VPS8: variants seen among roughly 807,000 people sequenced by gnomAD.
VPS8 encodes vacuolar protein sorting-associated protein 8 homolog.
A neutral mutation model predicts 216.4 loss-of-function variants in VPS8; 129 were observed. The ratio of observed to expected loss-of-function variants is 0.60; its 90% CI spans 0.52 to 0.69. The LOEUF (loss-of-function observed/expected upper bound fraction) is 0.69. VPS8 is among the 30% of genes least tolerant of loss of function. The probability of loss-of-function intolerance (pLI) is 0.00; values close to 1 mark genes in which losing one functional copy is unlikely to be tolerated. For missense variants in VPS8, 1,531 were observed against 1,683.5 expected (o/e 0.91, Z 1.59); for synonymous variants, 571 against 565.4 (o/e 1.01, Z -0.14).
At chr3:184,932,150 A>G (rs76395941) in intron 34 of VPS8, among the ~76,000 whole-genome samples, 2,735 of 152,222 alleles carry the variant, frequency 0.018, 89 homozygotes, top group African/African-American at 0.063. Flanking sequence ...GTCTTCAGTA[A>G]TGTAAATATA....
chr3:184,969,681 C>T (rs1577019294), intron 39 of VPS8, among the ~76,000 whole-genome samples: 3 of 151,436 alleles, frequency 2.0e-5, no homozygotes, highest in Admixed American at 6.6e-5. Context: ...CCACCCGCCT[C>T]GGCCTCCCAA....
chr3:184,940,185 T>G lies in VPS8; in HGVS notation c.2989-12T>G. 6.8e-7 allele frequency: 1 copy of G among 1,471,518 alleles called. No individual in the cohort carries two copies. The highest frequency in any genetic ancestry group is 9.1e-7 in the Non-Finnish European group (1 of 1,098,276). The allele number at this position is 1,471,518 out of a possible 1,614,324, so 91.2% of individuals were successfully genotyped here. A position where few individuals can be genotyped will look rare whatever the true frequency, so the allele number is the denominator to read the frequency against. ...AATATTTAATTGTAATTTTTATTGT[T>G]TTTCTGTTCAGAACCAGGTTTTGCT... On this transcript the variant is annotated splice_polypyrimidine_tract_variant and intron_variant, in intron 35 of 47. Coordinates refer to ENST00000625842, the MANE Select transcript of VPS8 (RefSeq NM_001009921.3).
chr3:184,977,503 G>A (rs1262927626), intron 40 of VPS8, among the ~76,000 whole-genome samples: 1 of 151,862 alleles, frequency 6.6e-6, no homozygotes, highest in Non-Finnish European at 1.5e-5. Flanking sequence ...TTTCTTTTGA[G>A]GACTTAGCCA....
intron 47 of VPS8, among the ~76,000 whole-genome samples, chr3:185,050,069 G>A (rs907542490): frequency 2.0e-5 from 3 of 151,842 alleles, no homozygotes; most frequent in Non-Finnish European, 2.9e-5. Context: ...ATTGATTTCC[G>A]GATCACAAAG....
rs530883880 is a variant in VPS8, at chr3:184,860,770, A to G, written c.1224+705A>G. Among the ~76,000 whole-genome samples the G allele has an allele frequency of 3.3e-5, 5 of 151,408 alleles. No individual in the cohort carries two copies. The East Asian group carries it at 5.8e-4, about 18-fold the overall frequency. ...GCAACCTCTTTTTTTCTTGCGGCTA[A>G]AAACTTTGCAGAGCTCTCTTTCTAC... On this transcript the variant is annotated intron_variant, in intron 15 of 47. Coordinates refer to ENST00000625842, the MANE Select transcript of VPS8 (RefSeq NM_001009921.3).
At chr3:184,846,181 C>T (rs897925702) in intron 8 of VPS8, among the ~76,000 whole-genome samples, 1 of 152,116 alleles carries the variant, frequency 6.6e-6, no homozygotes, top group Non-Finnish European at 1.5e-5. Flanking sequence ...ATGATACCTT[C>T]TAAAGGAACA....
rs1359659577 is a variant in VPS8, at chr3:184,853,804, A to AG, written c.822-52dup. On this transcript the variant is annotated intron_variant, in intron 11 of 47. Transcript: ENST00000625842. ...TGAAAGTAGTCCAGGTAGAGATAGT[A>AG]GTGCCTTGGATCATTGCTAAATTGA... The AG allele has an allele frequency of 1.9e-6, 3 of 1,540,804 alleles. No individual in the cohort carries two copies. The Admixed American group carries it at 5.9e-5, about 30-fold the overall frequency.
At chr3:184,977,884 C>CT (rs55727843) in intron 40 of VPS8, among the ~76,000 whole-genome samples, 113,095 of 131,324 alleles carry the variant, frequency 0.86, 49,586 homozygotes, top group Non-Finnish European at 0.95. Flanking sequence ...TTTCTTTTTT[C>CT]TTTTTTTTTT....
At chr3:185,025,196 A>G (rs924632046) in intron 46 of VPS8, among the ~76,000 whole-genome samples, 1 of 152,316 alleles carries the variant, frequency 6.6e-6, no homozygotes, top group Middle Eastern at 3.4e-3. Context: ...ACGGTTTTAC[A>G]CCTTATCTGA....
chr3:185,049,747 G>A (rs1235263488), intron 47 of VPS8, among the ~76,000 whole-genome samples: 3 of 152,072 alleles, frequency 2.0e-5, no homozygotes, highest in Non-Finnish European at 4.4e-5. Context: ...TCGAGCTTGT[G>A]CAAACTGCTG....
intron 45 of VPS8, among the ~76,000 whole-genome samples, chr3:185,014,362 A>G (rs1561121971): frequency 1.3e-5 from 2 of 152,144 alleles, no homozygotes; most frequent in African/African-American, 2.4e-5. Flanking sequence ...GGCTGCAACC[A>G]GGGGGTCCTC....
chr3:184,978,232 T>C (rs1454703278), intron 40 of VPS8, among the ~76,000 whole-genome samples: 1 of 152,164 alleles, frequency 6.6e-6, no homozygotes, highest in Non-Finnish European at 1.5e-5. Flanking sequence ...TAGAGGTGTT[T>C]ATAATAGTCT....
intron 5 of VPS8, 101 bp downstream of exon 5, chr3:184,834,843 C>A: frequency 1.1e-6 from 1 of 882,988 alleles, no homozygotes; most frequent in East Asian, 2.8e-5. Flanking sequence ...TGGCCCGAGG[C>A]TTAAGAAAAA....
At chr3:184,891,074 A>G (rs1300392852) in intron 22 of VPS8, among the ~76,000 whole-genome samples, 1 of 152,148 alleles carries the variant, frequency 6.6e-6, no homozygotes, top group Non-Finnish European at 1.5e-5. Flanking sequence ...GTTTAAAAAT[A>G]GGGTTATGTG....
At chr3:184,964,417 C>A in intron 37 of VPS8, 51 bp from the exon 38 acceptor site, 1 of 1,218,024 alleles carries the variant, frequency 8.2e-7, no homozygotes, top group Non-Finnish European at 1.1e-6. Context: ...GATCTTCCCA[C>A]TCCACAAATA....
At chr3:184,850,780 TC>T (rs1194379194) in intron 10 of VPS8, among the ~76,000 whole-genome samples, 1 of 152,224 alleles carries the variant, frequency 6.6e-6, no homozygotes, top group African/African-American at 2.4e-5. Context: ...AGCTCTGTCA[TC>T]CGTAAGTATG....
chr3:184,865,753 C>T (rs1026341829), intron 16 of VPS8, among the ~76,000 whole-genome samples: 7 of 152,040 alleles, frequency 4.6e-5, no homozygotes, highest in Non-Finnish European at 8.8e-5. Flanking sequence ...TTTGGGAGGC[C>T]GAGGCGGGAG....
At chr3:184,888,459 A>G (rs527283282) in intron 22 of VPS8, among the ~76,000 whole-genome samples, 1 of 152,174 alleles carries the variant, frequency 6.6e-6, no homozygotes, top group Non-Finnish European at 1.5e-5. Context: ...GCAAAGCGCC[A>G]TGATATGTCT....
At chr3:184,843,301 G>C in intron 8 of VPS8, 56 bp downstream of exon 8, 2 of 1,256,504 alleles carry the variant, frequency 1.6e-6, no homozygotes, top group South Asian at 3.9e-5. Context: ...TTTTAATGTT[G>C]GAAGAGAATG....
Sources: gnomAD v4.1 joint callset for allele counts (sites outside exome capture counted in the v4.1 genomes callset) on GRCh38, gnomAD v4.1.1 for gene constraint, MANE v1.5 for transcripts, NCBI Gene and HGNC (gene_info 2026-07-23, HGNC 2026-07-21) for gene names.